AFP: variants seen among roughly 807,000 people sequenced by gnomAD.
AFP encodes the protein alpha fetoprotein, also known as alpha-fetoprotein.
A neutral mutation model predicts 78.9 loss-of-function variants in AFP; 64 were observed. The ratio of observed to expected loss-of-function variants is 0.81; its 90% CI spans 0.66 to 1.00. The LOEUF is 1.00. AFP is among the 50% of genes least tolerant of loss of function. The pLI is 0.00. For synonymous variants in AFP, 254 were observed against 243.8 expected, an observed-to-expected ratio of 1.04 and a Z score of -0.39; for missense variants, 689 against 703.8, an observed-to-expected ratio of 0.98 and a Z score of 0.24.
intron 13 of AFP, among the ~76,000 whole-genome samples, chr4:73,454,441 T>C (rs981000593): frequency 4.6e-5 from 7 of 152,110 alleles, no homozygotes; most frequent in African/African-American, 1.7e-4. Flanking sequence ...TTACCTTTTT[T>C]CAGCTTTATT....
intron 1 of AFP, among the ~76,000 whole-genome samples, chr4:73,436,890 C>G (rs1262842420): frequency 6.6e-6 from 1 of 151,906 alleles, no homozygotes; most frequent in Non-Finnish European, 1.5e-5. Context: ...AGTTACAGCA[C>G]TACAGTACAG....
chr4:73,449,572 C>A (rs1196858486), intron 9 of AFP, 105 bp downstream of exon 9: 4 of 1,326,464 alleles, frequency 3.0e-6, no homozygotes, highest in Non-Finnish European at 4.3e-6. Flanking sequence ...AGTTGTTAGC[C>A]AGTTATATCT....
rs1256315553 is a variant in AFP, at chr4:73,442,219, C to G, written c.483-77C>G. On this transcript the variant is annotated intron_variant, in intron 4 of 14. Transcript: ENST00000395792. ...GTTGTTTTTGAATCTTTAAATAAAT[C>G]CCAGTGTCCAGTTCCAAGCAGTAGT... is the stretch of plus-strand genomic sequence containing the variant. 3.0e-6 allele frequency: 4 copies of G among 1,353,676 alleles called. No homozygotes were observed. The African/African-American group carries it at 5.8e-5, about 19-fold the overall frequency. The allele number at this position is 1,353,676 out of a possible 1,614,324, so 83.9% of individuals were successfully genotyped here.
At chr4:73,449,261 A>C in intron 8 of AFP, 74 bp from the exon 9 acceptor site, 1 of 1,351,068 alleles carries the variant, frequency 7.4e-7, no homozygotes, top group Non-Finnish European at 1.0e-6. Context: ...TTATATAGGA[A>C]TAACTGGAGA....
chr4:73,450,787 T>G (rs1438996983), intron 11 of AFP, 34 bp downstream of exon 11: 6 of 1,613,086 alleles, frequency 3.7e-6, no homozygotes, highest in Non-Finnish European at 5.1e-6. Flanking sequence ...CCATCTCATT[T>G]CTGCCCTGTT....
At chr4:73,452,675 T>C in intron 12 of AFP, 51 bp downstream of exon 12, 1 of 1,410,888 alleles carries the variant, frequency 7.1e-7, no homozygotes, top group South Asian at 1.2e-5. Flanking sequence ...CCCCAAAGAG[T>C]AACTGAGACT....
intron 2 of AFP, 116 bp from the exon 3 acceptor site, chr4:73,438,058 C>G: frequency 7.0e-7 from 1 of 1,427,956 alleles, no homozygotes; most frequent in South Asian, 1.3e-5. Flanking sequence ...AATCAAATGT[C>G]TAAACAGATT....
chr4:73,450,546 A>G, intron 10 of AFP, 69 bp from the exon 11 acceptor site: 1 of 1,607,840 alleles, frequency 6.2e-7, no homozygotes, highest in Non-Finnish European at 8.5e-7. Flanking sequence ...AGAGTCTGTG[A>G]GAAGAAGCAA....
chr4:73,443,321 T>A, intron 5 of AFP, 26 bp from the exon 6 acceptor site: 1 of 1,546,792 alleles, frequency 6.5e-7, no homozygotes, highest in Middle Eastern at 1.7e-4. Flanking sequence ...TATGCTTTCA[T>A]GACATTTTGT....
At chr4:73,437,234 T>C in intron 2 of AFP, 23 bp downstream of exon 2, 2 of 1,567,712 alleles carry the variant, frequency 1.3e-6, no homozygotes, top group African/African-American at 1.4e-5. Flanking sequence ...TATATAAATG[T>C]ACTTTAAATG....
chr4:73,442,102 T>C (rs1457909832), intron 4 of AFP, among the ~76,000 whole-genome samples, 194 bp from the exon 5 acceptor site: 1 of 152,206 alleles, frequency 6.6e-6, no homozygotes, highest in Non-Finnish European at 1.5e-5. Flanking sequence ...CCAGGATCTT[T>C]AGTGAGGAAA....
chr4:73,440,101 G>C (rs1719616454), intron 3 of AFP, among the ~76,000 whole-genome samples: 1 of 151,960 alleles, frequency 6.6e-6, no homozygotes, highest in Non-Finnish European at 1.5e-5. Context: ...GGATGAGCAG[G>C]TCTGTTACAT....
chr4:73,442,324 C>A lies in AFP; in HGVS notation c.511C>A (p.Pro171Thr). ...KFIYEIARRH[P>T]FLYAPTILLW... ...CATTTATGAGATAGCAAGAAGGCAT[C>A]CCTTCCTGTATGCACCTACAATTCT... The change falls in exon 5 of 15, where the codon CCC becomes ACC. Residue 171 changes from proline (P) to threonine (T), a missense_variant. Transcript: ENST00000395792. 4 of 1,613,714 alleles carry A rather than the reference C, an allele frequency of 2.5e-6. No homozygotes were observed. Among genetic ancestry groups the A allele is most frequent in the Non-Finnish European group, 3.4e-6 (4 of 1,179,704 alleles).
At chr4:73,449,996 A>G (rs765899863) in intron 9 of AFP, 40 bp from the exon 10 acceptor site, 7 of 1,449,510 alleles carry the variant, frequency 4.8e-6, no homozygotes, top group Admixed American at 1.8e-5. Flanking sequence ...TATGCATCCA[A>G]GAAAAGAAAA....
At chr4:73,439,255 C>T (rs1448223036) in intron 3 of AFP, among the ~76,000 whole-genome samples, 2 of 151,986 alleles carry the variant, frequency 1.3e-5, no homozygotes, top group South Asian at 2.1e-4. Context: ...AAACAACATG[C>T]CCAGAGAATA....
chr4:73,449,516 C>T (rs1412711929), intron 9 of AFP, 49 bp downstream of exon 9: 3 of 1,604,292 alleles, frequency 1.9e-6, no homozygotes, highest in African/African-American at 2.7e-5. Context: ...GGATTGATAT[C>T]ATCTGTTAAA....
chr4:73,444,929 T>C (rs1276458241), intron 6 of AFP, 64 bp from the exon 7 acceptor site: 4 of 1,416,554 alleles, frequency 2.8e-6, no homozygotes, highest in African/African-American at 2.9e-5. Context: ...TAATACTCTA[T>C]AAATTCTATT....
Position 73,442,320 on chromosome 4 carries a change from G to A in AFP, c.507G>A (p.Arg169=). Reference sequence around the variant, plus strand: ...GATTCATTTATGAGATAGCAAGAAGGCATCCCTTCCTGTATGCACCTACAA... The same window carrying A: ...GATTCATTTATGAGATAGCAAGAAGACATCCCTTCCTGTATGCACCTACAA... ...MNKFIYEIAR[R]HPFLYAPTIL... is the part of the protein sequence containing the mutation. The change falls in exon 5 of 15, where the codon AGG becomes AGA. Residue 169 remains arginine, a synonymous_variant. Transcript: ENST00000395792. 1 of 1,613,812 alleles carries A rather than the reference G, an allele frequency of 6.2e-7. No individual in the cohort carries two copies. The highest frequency in any genetic ancestry group is 8.5e-7 in the Non-Finnish European group (1 of 1,179,840).
intron 3 of AFP, among the ~76,000 whole-genome samples, chr4:73,439,358 T>C (rs565591918): frequency 6.6e-6 from 1 of 152,310 alleles, no homozygotes; most frequent in South Asian, 2.1e-4. Flanking sequence ...GTTTAAGTTC[T>C]TTCCAACTTT....
Sources: allele counts gnomAD v4.1 joint callset (sites outside exome capture counted in the v4.1 genomes callset), GRCh38; gene constraint gnomAD v4.1.1; transcripts MANE v1.5; gene names NCBI Gene and HGNC (gene_info 2026-07-23, HGNC 2026-07-21).